The following TNNC2 variants were observed in gnomAD, a reference collection of about 807,000 sequenced individuals.
TNNC2 encodes the protein troponin C2, fast skeletal type.
Under a neutral mutation model 20.0 loss-of-function variants are expected in TNNC2, and 14 were observed. That is an observed-to-expected ratio of 0.70 (90% CI 0.46 to 1.09). TNNC2 has a LOEUF of 1.09. TNNC2 is among the 50% of genes least tolerant of loss of function. The probability of loss-of-function intolerance (pLI) is 0.00; values close to 1 mark genes in which losing one functional copy is unlikely to be tolerated. For missense variants in TNNC2, 163 were observed against 223.8 expected (o/e 0.73, Z 1.73); for synonymous variants, 81 against 77.3 (o/e 1.05, Z -0.25).
chr20:45,824,623 A>G lies in TNNC2; in HGVS notation c.71T>C (p.Phe24Ser). 2 of 1,610,068 alleles carry G rather than the reference A, an allele frequency of 1.2e-6. No homozygotes were observed. The highest frequency in any genetic ancestry group is 1.7e-6 in the Non-Finnish European group (2 of 1,179,948). Residue 24 changes from phenylalanine (F) to serine (S), a missense_variant, in exon 3 of 6, where the codon TTT becomes TCT. Coordinates refer to ENST00000372555, the MANE Select transcript of TNNC2 (RefSeq NM_003279.3). ...ACCACCATCAGCATCAAACATGTCA[A>G]AGGCAGCCTTGAACTCTGCGAGGGA... is the stretch of plus-strand genomic sequence containing the variant. Reference protein sequence around the residue: ...EEMIAEFKAAFDMFDADGGGD... With the variant: ...EEMIAEFKAASDMFDADGGGD...
At position 45,824,037 on chromosome 20, in the gene TNNC2, CAG is replaced by C; in HGVS notation, c.403_404del (p.Leu135AspfsTer13). 1 of 1,614,150 alleles carries C rather than the reference CAG, an allele frequency of 6.2e-7. No homozygotes were observed. The highest frequency in any genetic ancestry group is 8.5e-7 in the Non-Finnish European group (1 of 1,180,004). ...CGTTGTTCTTGTCGCCGTCTTTCAT[CAG>C]AGATTCGATCTCCTCGTCCGTCACG... ...EHVTDEEIES[L>X]MKDGDKNNDG... On this transcript the variant is annotated frameshift_variant, in exon 5 of 6. Transcript: ENST00000372555. LOFTEE classifies it high-confidence loss of function.
At position 45,824,634 on chromosome 20, in the gene TNNC2, G is replaced by A; in HGVS notation, c.60C>T (p.Phe20=). 6.2e-7 allele frequency: 1 copy of A among 1,609,126 alleles called. No individual in the cohort carries two copies. Among genetic ancestry groups the A allele is most frequent in the Non-Finnish European group, 8.5e-7 (1 of 1,179,904 alleles). The change falls in exon 3 of 6, where the codon TTC becomes TTT. Residue 20 remains phenylalanine (F), a synonymous_variant. Coordinates refer to ENST00000372555, the MANE Select transcript of TNNC2 (RefSeq NM_003279.3). ...SYLSEEMIAE[F]KAAFDMFDAD... ...CATCAAACATGTCAAAGGCAGCCTTGAACTCTGCGAGGGAGGGCAGAGGGC... is the reference window on the plus strand; with the variant it reads ...CATCAAACATGTCAAAGGCAGCCTTAAACTCTGCGAGGGAGGGCAGAGGGC...
chr20:45,823,320 G>A lies in TNNC2; in HGVS notation c.*28C>T, dbSNP rs767179127. 1.8e-5 allele frequency: 29 copies of A among 1,571,264 alleles called. No individual in the cohort carries two copies. In the South Asian group the frequency reaches 2.9e-4, roughly 16 times the overall value. ...AGTCTCCCACACCCTAGGGACACGC[G>A]ATCTTGGTAGAGGCGACTGTCCACT... On this transcript the variant is annotated 3_prime_UTR_variant, in exon 6 of 6. Coordinates refer to ENST00000372555, the MANE Select transcript of TNNC2 (RefSeq NM_003279.3). The surrounding 1 kb of genome is among the most constrained non-coding windows in gnomAD (Gnocchi z 4.6).
upstream of TNNC2, among the ~76,000 whole-genome samples, chr20:45,831,560 G>A (rs1983107159): frequency 6.6e-6 from 1 of 151,934 alleles, no homozygotes; most frequent in African/African-American, 2.4e-5. Context: ...AGCCAAGAGT[G>A]TGCCATTGGA....
upstream of TNNC2, among the ~76,000 whole-genome samples, chr20:45,831,089 G>A (rs938348243): frequency 6.6e-6 from 1 of 152,124 alleles, no homozygotes; most frequent in African/African-American, 2.4e-5. Context: ...AAGAGTTCAA[G>A]ATCAGCCTGG....
In TNNC2 at chr20:45,827,149, C is replaced by T. The variant is rs549033431; in HGVS notation, c.3+97G>A. On this transcript the variant is annotated intron_variant, in intron 1 of 5. Transcript: ENST00000372555. ...GGAACCTCCATGCTCCAACCTCAAA[C>T]ATCCAAGTTACTGCCCCACAGAGCA... is the stretch of plus-strand genomic sequence containing the variant. The T allele has an allele frequency of 3.3e-6, 5 of 1,538,000 alleles. No individual in the cohort carries two copies. In the African/African-American group the frequency reaches 6.8e-5, roughly 21 times the overall value.
chr20:45,824,240 G>C, intron 4 of TNNC2, 52 bp downstream of exon 4: 1 of 1,601,714 alleles, frequency 6.2e-7, no homozygotes, highest in Non-Finnish European at 8.5e-7. Context: ...AGCGCTGCCG[G>C]CCGGGTTCTG....
At chr20:45,826,719 C>A (rs1210514282) in intron 1 of TNNC2, among the ~76,000 whole-genome samples, 1 of 152,194 alleles carries the variant, frequency 6.6e-6, no homozygotes, top group Non-Finnish European at 1.5e-5. Context: ...AAATCAGAAG[C>A]CCTCTCTAGG....
chr20:45,824,744 T>C (rs1334360298), intron 2 of TNNC2, 39 bp downstream of exon 2: 3 of 1,123,598 alleles, frequency 2.7e-6, no homozygotes, highest in Non-Finnish European at 3.6e-6. Flanking sequence ...GTCCCCAGCA[T>C]ACATCCACCC....
At chr20:45,828,209 T>G (rs1206382567), upstream of TNNC2, among the ~76,000 whole-genome samples, 1 of 151,070 alleles carries the variant, frequency 6.6e-6, no homozygotes, top group African/African-American at 2.5e-5. Flanking sequence ...TTTTTTTTTT[T>G]TGTATTTTTA....
intron 1 of TNNC2, among the ~76,000 whole-genome samples, chr20:45,825,319 T>C (rs1982938771): frequency 6.6e-6 from 1 of 151,588 alleles, no homozygotes; most frequent in Non-Finnish European, 1.5e-5. Flanking sequence ...TTTGTGACAG[T>C]CTCGCCCTGT....
upstream of TNNC2, among the ~76,000 whole-genome samples, chr20:45,831,015 G>A (rs968640692): frequency 1.4e-4 from 21 of 152,084 alleles, no homozygotes; most frequent in African/African-American, 5.1e-4. Flanking sequence ...AGAATGGTGG[G>A]TGGTAGCTCA....
At chr20:45,830,731 A>G (rs555762385), upstream of TNNC2, among the ~76,000 whole-genome samples, 16 of 152,342 alleles carry the variant, frequency 1.1e-4, no homozygotes, top group African/African-American at 3.8e-4. Context: ...ACTTCCTAAT[A>G]GTCATAGTTG....
Position 45,823,722 on chromosome 20 carries a change from G to A in TNNC2, c.451+269C>T, listed in dbSNP as rs1057173920. Reference sequence around the variant, plus strand: ...TGCCCAGGCTGGTCTCGAACTCTTGGCCTCAAGCAATCCTCCCACCTCATC... The same window carrying A: ...TGCCCAGGCTGGTCTCGAACTCTTGACCTCAAGCAATCCTCCCACCTCATC... On this transcript the variant is annotated intron_variant, in intron 5 of 5. Transcript: ENST00000372555. This position sits in a 1 kb window ranked among gnomAD's most constrained non-coding sequence, Gnocchi z 4.6. 3.3e-5 allele frequency among the ~76,000 whole-genome samples: 5 copies of A among 151,936 alleles called. No homozygotes were observed. Among genetic ancestry groups the A allele is most frequent in the African/African-American group, 1.2e-4 (5 of 41,368 alleles).
upstream of TNNC2, among the ~76,000 whole-genome samples, chr20:45,827,995 C>T (rs59370923): frequency 0.12 from 18,229 of 152,174 alleles, 1,648 homozygotes; most frequent in African/African-American, 0.26. Context: ...TCATCTAGTG[C>T]TCCTCCTATG....
chr20:45,827,299 C>A lies in TNNC2; in HGVS notation c.-51G>T, dbSNP rs1400247773. 6.2e-7 allele frequency: 1 copy of A among 1,613,760 alleles called. No homozygotes were observed. Among genetic ancestry groups the A allele is most frequent in the East Asian group, 2.2e-5 (1 of 44,864 alleles). On this transcript the variant is annotated 5_prime_UTR_variant, in exon 1 of 6. Transcript: ENST00000372555. ...GTTGCAGGTCGCCTCCTTTGCACTC[C>A]ACCACCCAAAGATGACCTGGCCTGC...
At chr20:45,827,459 G>A, upstream of TNNC2, 1 of 596,352 alleles carries the variant, frequency 1.7e-6, no homozygotes, top group Non-Finnish European at 3.0e-6. Flanking sequence ...ACCTAATTTA[G>A]CCAAGGGCCC....
chr20:45,827,265 G>T lies in TNNC2; in HGVS notation c.-17C>A. 1 of 1,614,092 alleles carries T rather than the reference G, an allele frequency of 6.2e-7. No individual in the cohort carries two copies. Among genetic ancestry groups the T allele is most frequent in the Non-Finnish European group, 8.5e-7 (1 of 1,180,012 alleles). On this transcript the variant is annotated 5_prime_UTR_variant, in exon 1 of 6. Coordinates refer to ENST00000372555, the MANE Select transcript of TNNC2 (RefSeq NM_003279.3). ...CCTTACCATGGTTGCTGGTGACCGG[G>T]ACTCCTCTGTTGCAGGTCGCCTCCT...
At chr20:45,832,968 C>T (rs931539356) in intron 2 of TNNC2, among the ~76,000 whole-genome samples, 3 of 152,196 alleles carry the variant, frequency 2.0e-5, no homozygotes, top group African/African-American at 7.2e-5. Context: ...ATGGCCAAAT[C>T]CCATCTCTAC....
Sources: gnomAD v4.1 joint callset for allele counts (sites outside exome capture counted in the v4.1 genomes callset) on GRCh38, gnomAD v4.1.1 for gene constraint, Gnocchi (gnomAD v3.1) non-coding constraint, MANE v1.5 for transcripts, NCBI Gene and HGNC (gene_info 2026-07-23, HGNC 2026-07-21) for gene names.